ACOXL: variants seen among roughly 807,000 people sequenced by gnomAD.
ACOXL encodes acyl-CoA oxidase like.
Under a neutral mutation model 71.9 loss-of-function variants are expected in ACOXL, and 70 were observed. The observed-to-expected ratio is 0.97, with a 90% CI of 0.80 to 1.19. The LOEUF (loss-of-function observed/expected upper bound fraction) is 1.19. Ranked by LOEUF, ACOXL falls within the 50% of genes most tolerant of loss-of-function variation. ACOXL has a pLI of 0.00. For synonymous variants in ACOXL, 253 were observed against 281.6 expected, an observed-to-expected ratio of 0.90 and a Z score of 1.02; for missense variants, 703 against 736.3, an observed-to-expected ratio of 0.95 and a Z score of 0.52.
At chr2:111,047,072 G>A (rs2066052384) in intron 15 of ACOXL, among the ~76,000 whole-genome samples, 1 of 152,242 alleles carries the variant, frequency 6.6e-6, no homozygotes, top group South Asian at 2.1e-4. Flanking sequence ...CAGGCATGGG[G>A]TCCTGAGGGA....
chr2:110,859,876 A>G (rs1347510573), intron 10 of ACOXL, among the ~76,000 whole-genome samples: 2 of 152,118 alleles, frequency 1.3e-5, no homozygotes, highest in Admixed American at 1.3e-4. Flanking sequence ...GACTCACCGA[A>G]GAGGGAAGAG....
At chr2:110,817,099 T>G (rs972094447) in intron 9 of ACOXL, among the ~76,000 whole-genome samples, 1 of 152,234 alleles carries the variant, frequency 6.6e-6, no homozygotes, top group Non-Finnish European at 1.5e-5. Context: ...AGTAGCTGTC[T>G]GCGAACTGAA....
At chr2:110,805,871 C>T (rs1391652860) in intron 9 of ACOXL, among the ~76,000 whole-genome samples, 1 of 152,206 alleles carries the variant, frequency 6.6e-6, no homozygotes, top group Non-Finnish European at 1.5e-5. Flanking sequence ...TGCCTCCCTG[C>T]CCTGCCTCTC....
chr2:110,943,031 G>A (rs368149979), intron 12 of ACOXL, among the ~76,000 whole-genome samples: 2 of 124,506 alleles, frequency 1.6e-5, no homozygotes, highest in Admixed American at 8.6e-5. Flanking sequence ...GAAGGAAGAA[G>A]GAAGGAAAGA....
chr2:110,842,297 C>G (rs1691270523), intron 10 of ACOXL, among the ~76,000 whole-genome samples: 1 of 152,088 alleles, frequency 6.6e-6, no homozygotes, highest in Non-Finnish European at 1.5e-5. Flanking sequence ...TGGAATGAGC[C>G]TGTGGGAAGA....
rs572961644 is a variant in ACOXL at position 110,917,632 on chromosome 2, C to T, written c.905+8727C>T. Reference sequence around the variant, plus strand: ...TCAAATTGTCCCTGTTTGCAGATGACATGATTGTATATGTAGAAAACCCCA... The same window carrying T: ...TCAAATTGTCCCTGTTTGCAGATGATATGATTGTATATGTAGAAAACCCCA... On this transcript the variant is annotated intron_variant, in intron 11 of 17. Transcript: ENST00000439055. Among the ~76,000 whole-genome samples the T allele has an allele frequency of 9.1e-4, 138 of 152,312 alleles. 2 individuals carry two copies. Among genetic ancestry groups the T allele is most frequent in the Middle Eastern group, 3.4e-3 (1 of 292 alleles).
chr2:110,958,665 G>A (rs2061591332), intron 12 of ACOXL, among the ~76,000 whole-genome samples: 1 of 152,230 alleles, frequency 6.6e-6, no homozygotes, highest in African/African-American at 2.4e-5. Context: ...GATCCCATGG[G>A]CAGCAGATGG....
chr2:110,861,495 T>C (rs1181361647), intron 10 of ACOXL, among the ~76,000 whole-genome samples: 1 of 152,118 alleles, frequency 6.6e-6, no homozygotes, highest in Admixed American at 6.5e-5. Context: ...CAGGGCTTTA[T>C]TTGTCCTATT....
intron 15 of ACOXL, among the ~76,000 whole-genome samples, chr2:111,037,943 C>T (rs2065599679): frequency 6.6e-6 from 1 of 152,224 alleles, no homozygotes; most frequent in Admixed American, 6.5e-5. Context: ...GTACTGCTTC[C>T]TACTACTCTT....
intron 10 of ACOXL, among the ~76,000 whole-genome samples, chr2:110,859,404 C>T (rs1284400200): frequency 1.3e-5 from 2 of 152,142 alleles, no homozygotes; most frequent in African/African-American, 4.8e-5. Context: ...ACATGCACAG[C>T]TGGGTTGCTG....
chr2:110,782,331 A>G lies in ACOXL; in HGVS notation c.76-2401A>G, dbSNP rs141367824. 2.5e-3 allele frequency among the ~76,000 whole-genome samples: 382 copies of G among 152,318 alleles called. 1 individual carries two copies. The highest frequency in any genetic ancestry group is 8.6e-3 in the African/African-American group (356 of 41,550). ...AATATTAGACATTCTTTAATTAAGAACAATTAATCAGAAATAAAATAAGAA... is the reference window on the plus strand; with the variant it reads ...AATATTAGACATTCTTTAATTAAGAGCAATTAATCAGAAATAAAATAAGAA... On this transcript the variant is annotated intron_variant, in intron 2 of 17. Coordinates refer to ENST00000439055, the MANE Select transcript of ACOXL (RefSeq NM_001142807.4).
At chr2:111,046,639 A>G (rs1215192467) in intron 15 of ACOXL, among the ~76,000 whole-genome samples, 2 of 152,212 alleles carry the variant, frequency 1.3e-5, no homozygotes, top group Admixed American at 1.3e-4. Flanking sequence ...TCATGAGAAC[A>G]GTATGGAGGG....
intron 15 of ACOXL, among the ~76,000 whole-genome samples, chr2:111,044,689 G>A (rs1318404447): frequency 1.3e-5 from 2 of 152,118 alleles, no homozygotes; most frequent in Non-Finnish European, 2.9e-5. Flanking sequence ...CCCCTTATTC[G>A]AAACAGCATA....
intron 12 of ACOXL, chr2:110,967,901 G>T: frequency 1.7e-6 from 2 of 1,160,298 alleles, no homozygotes; most frequent in South Asian, 1.3e-5. Context: ...TTTAGAAGAC[G>T]ACAAGAGGGT....
intron 10 of ACOXL, among the ~76,000 whole-genome samples, chr2:110,895,346 T>C (rs918919161): frequency 2.6e-5 from 4 of 151,820 alleles, no homozygotes; most frequent in Admixed American, 1.3e-4. Flanking sequence ...AACTAGAAGA[T>C]AGAACTATAG....
At chr2:110,887,045 A>C in intron 10 of ACOXL, 1 of 619,108 alleles carries the variant, frequency 1.6e-6, no homozygotes, top group Non-Finnish European at 2.7e-6. Context: ...CCTGGCGTCC[A>C]CGGGTCTGCT....
chr2:110,903,329 C>T (rs1328251433), intron 10 of ACOXL, among the ~76,000 whole-genome samples: 2 of 152,308 alleles, frequency 1.3e-5, no homozygotes, highest in East Asian at 1.9e-4. Flanking sequence ...TAAGCAGCCG[C>T]GTTCAAAATT....
intron 15 of ACOXL, among the ~76,000 whole-genome samples, chr2:111,033,920 T>G (rs760740892): frequency 3.0e-4 from 45 of 152,216 alleles, no homozygotes; most frequent in Non-Finnish European, 5.9e-4. Flanking sequence ...TTCAGAAATG[T>G]GATCAAGTTT....
At chr2:111,063,259 T>G (rs1241877049) in intron 16 of ACOXL, among the ~76,000 whole-genome samples, 1 of 152,124 alleles carries the variant, frequency 6.6e-6, no homozygotes, top group Non-Finnish European at 1.5e-5. Flanking sequence ...AGAGAGAACT[T>G]TTACCAATTC....
Sources: gnomAD v4.1 joint callset for allele counts (sites outside exome capture counted in the v4.1 genomes callset) on GRCh38, gnomAD v4.1.1 for gene constraint, MANE v1.5 for transcripts, NCBI Gene and HGNC (gene_info 2026-07-23, HGNC 2026-07-21) for gene names.